The following ARLN variants were observed in gnomAD, a reference collection of about 807,000 sequenced individuals.
ARLN encodes sarcoplasmic/endoplasmic reticulum calcium ATPase regulator ARLN.
the ARLN span, chr4:119,304,408 G>C: frequency 6.5e-7 from 1 of 1,536,550 alleles, no homozygotes; most frequent in South Asian, 1.2e-5. Context: ...ATTCTGTAAT[G>C]GTCTCCTATT....
At chr4:119,300,917 C>T in the ARLN span, 1 of 981,860 alleles carries the variant, frequency 1.0e-6, no homozygotes, top group South Asian at 1.8e-5. Context: ...GAGGTCACCT[C>T]TCCTATCCCC....
the ARLN span, among the ~76,000 whole-genome samples, chr4:119,303,700 A>G: frequency 1.9e-4 from 29 of 152,326 alleles, no homozygotes; most frequent in South Asian, 4.1e-4. Flanking sequence ...CCTGAGCAAC[A>G]TGGCGAAATC....
At chr4:119,300,291 T>A in the ARLN span, 1 of 1,486,438 alleles carries the variant, frequency 6.7e-7, no homozygotes, top group African/African-American at 1.4e-5. Flanking sequence ...GAGCAAATGA[T>A]CTCTAAGCTC....
the ARLN span, chr4:119,297,098 G>C: frequency 1.3e-5 from 2 of 152,230 alleles, no homozygotes; most frequent in East Asian, 1.9e-4. Flanking sequence ...AAGCAGTGCA[G>C]AAACAGTTCA....
At chr4:119,301,661 A>T in the ARLN span, among the ~76,000 whole-genome samples, 1 of 152,138 alleles carries the variant, frequency 6.6e-6, no homozygotes, top group Non-Finnish European at 1.5e-5. Context: ...TGGAGATAAG[A>T]CTGTAGTTGT....
chr4:119,304,011 T>C, the ARLN span, among the ~76,000 whole-genome samples: 1 of 152,220 alleles, frequency 6.6e-6, no homozygotes, highest in South Asian at 2.1e-4. Context: ...TCAGCCAACC[T>C]GGTACCCAGG....
At chr4:119,296,984 T>A in the ARLN span, 2 of 152,218 alleles carry the variant, frequency 1.3e-5, no homozygotes. Flanking sequence ...CAGTAAACTA[T>A]GTGAGAACTG....
the ARLN span, chr4:119,296,445 G>A: frequency 6.6e-6 from 1 of 152,110 alleles, no homozygotes; most frequent in African/African-American, 2.4e-5. Context: ...TATTATGAGG[G>A]ATTGGCTCTT....
At chr4:119,304,213 T>C in the ARLN span, 1 of 1,475,960 alleles carries the variant, frequency 6.8e-7, no homozygotes, top group Non-Finnish European at 9.1e-7. Context: ...CAATTCACAT[T>C]GATCTCTCCA....
chr4:119,297,303 CAGAG>C, the ARLN span: 1 of 152,226 alleles, frequency 6.6e-6, no homozygotes, highest in Non-Finnish European at 1.5e-5. Context: ...GGAAGATATA[CAGAG>C]AGTTTACCAG....
At chr4:119,297,510 T>C in the ARLN span, 1 of 152,392 alleles carries the variant, frequency 6.6e-6, no homozygotes, top group Non-Finnish European at 1.5e-5. Flanking sequence ...TGGCCCCATC[T>C]TGGCTCACTG....
chr4:119,300,719 C>T, the ARLN span: 3 of 1,525,256 alleles, frequency 2.0e-6, no homozygotes, highest in Admixed American at 6.0e-5. Context: ...CGGCTTTCCG[C>T]TGCCTCCGTG....
At chr4:119,297,838 T>C in the ARLN span, 1 of 152,606 alleles carries the variant, frequency 6.6e-6, no homozygotes, top group Non-Finnish European at 1.5e-5. Flanking sequence ...TACTAGCTGA[T>C]CAACCCTAGA....
the ARLN span, chr4:119,296,896 T>A: frequency 6.6e-6 from 1 of 152,174 alleles, no homozygotes; most frequent in African/African-American, 2.4e-5. Flanking sequence ...TCAGAATATT[T>A]GGTAATTGTG....
chr4:119,300,226 T>A, the ARLN span: 5 of 880,840 alleles, frequency 5.7e-6, no homozygotes, highest in East Asian at 7.3e-5. Flanking sequence ...ACCAGCTGTG[T>A]GATCTTGGAC....
the ARLN span, among the ~76,000 whole-genome samples, chr4:119,299,170 T>C: frequency 5.9e-5 from 9 of 152,136 alleles, no homozygotes; most frequent in African/African-American, 2.2e-4. Flanking sequence ...CACTGAAGCC[T>C]CGACCTCCCC....
At chr4:119,299,809 TG>T in the ARLN span, among the ~76,000 whole-genome samples, 2 of 152,188 alleles carry the variant, frequency 1.3e-5, no homozygotes, top group African/African-American at 4.8e-5. Context: ...CAAGTAAATT[TG>T]GGTAAGAAGC....
At chr4:119,298,859 TAAAAAG>T in the ARLN span, 5 of 712,742 alleles carry the variant, frequency 7.0e-6, no homozygotes, top group Non-Finnish European at 1.0e-5. Flanking sequence ...TACATATTGA[TAAAAAG>T]AAAAGCCTAG....
chr4:119,300,530 C>T, the ARLN span: 4 of 1,614,070 alleles, frequency 2.5e-6, no homozygotes, highest in African/African-American at 1.3e-5. Context: ...GTGCGTCCAC[C>T]TCCATCTCGC....
Sources: allele counts gnomAD v4.1 joint callset (sites outside exome capture counted in the v4.1 genomes callset), GRCh38; gene constraint gnomAD v4.1.1; transcripts MANE v1.5; gene names NCBI Gene and HGNC (gene_info 2026-07-23, HGNC 2026-07-21).